Variants in TNK2 observed in about 807,000 individuals in gnomAD.
The protein encoded by TNK2 is tyrosine kinase non receptor 2.
In TNK2, 83 loss-of-function variants were observed where a neutral mutation model predicts 101.8. The ratio of observed to expected loss-of-function variants is 0.82; its 90% confidence interval spans 0.68 to 0.98. The LOEUF (loss-of-function observed/expected upper bound fraction) is 0.98. Ranked by LOEUF, TNK2 falls within the 50% of genes least tolerant of loss-of-function variation. TNK2 has a pLI of 0.00. For missense variants in TNK2, 1,665 were observed against 1,483.2 expected (o/e 1.12, Z -2.01); for synonymous variants, 804 against 633.0 (o/e 1.27, Z -4.06).
chr3:195,907,548 G>A (rs1389988854), intron 1 of TNK2, among the ~76,000 whole-genome samples: 8 of 152,244 alleles, frequency 5.3e-5, no homozygotes, highest in African/African-American at 1.9e-4. Flanking sequence ...GACAGTGCCA[G>A]GTAAGAGGCG....
intron 12 of TNK2, chr3:195,869,190 G>C (rs542932143): frequency 5.2e-6 from 3 of 572,138 alleles, no homozygotes; most frequent in South Asian, 2.1e-5. Flanking sequence ...GCGCCTGCAG[G>C]TCTGGGAGGC....
At chr3:195,870,954 G>C (rs1394616948) in intron 10 of TNK2, among the ~76,000 whole-genome samples, 1 of 148,658 alleles carries the variant, frequency 6.7e-6, no homozygotes, top group East Asian at 2.0e-4. Context: ...GGGTTCTGGT[G>C]TGGGGGGACT....
chr3:195,894,230 G>C (rs1057017711), intron 1 of TNK2: 1 of 152,158 alleles, frequency 6.6e-6, no homozygotes, highest in African/African-American at 2.4e-5. Context: ...TTTCAAAATG[G>C]GTCTGCTGGA....
At chr3:195,896,472 C>T (rs1445235181) in intron 1 of TNK2, among the ~76,000 whole-genome samples, 2 of 152,182 alleles carry the variant, frequency 1.3e-5, no homozygotes, top group African/African-American at 4.8e-5. Context: ...GCCGGCGAGG[C>T]CCCCGAACGC....
intron 15 of TNK2, among the ~76,000 whole-genome samples, chr3:195,865,029 A>C (rs1739695184): frequency 7.3e-6 from 1 of 137,814 alleles, no homozygotes. Flanking sequence ...CCCGGGTGCA[A>C]ATCAGTAAGA....
At chr3:195,876,963 C>T (rs562903993) in intron 9 of TNK2, among the ~76,000 whole-genome samples, 1 of 152,302 alleles carries the variant, frequency 6.6e-6, no homozygotes, top group South Asian at 2.1e-4. Flanking sequence ...TCTGGGGCTC[C>T]GGCAGCAGCA....
intron 1 of TNK2, among the ~76,000 whole-genome samples, chr3:195,889,628 C>A (rs900956720): frequency 6.6e-6 from 1 of 152,250 alleles, no homozygotes; most frequent in African/African-American, 2.4e-5. Flanking sequence ...AAAGCATGCA[C>A]ACGCACACAC....
intron 1 of TNK2, chr3:195,892,265 G>C (rs1758819650): frequency 2.5e-6 from 2 of 809,054 alleles, no homozygotes; most frequent in South Asian, 1.9e-5. Context: ...AGCCGCAGGA[G>C]AGGCCACTTG....
Position 195,885,477 on chromosome 3 carries a change from C to T in TNK2, c.235-444G>A, listed in dbSNP as rs1560523178. On this transcript the variant is annotated intron_variant, in intron 3 of 15. Transcript: ENST00000672887. This position sits in a 1 kb window ranked among gnomAD's most constrained non-coding sequence, Gnocchi z 4.7. Reference sequence around the variant, plus strand: ...CCTTGTCCATTTTTAGCCCTGGCCCCTTCTCTGGCCTGACCATTTGGTGCT... The same window carrying T: ...CCTTGTCCATTTTTAGCCCTGGCCCTTTCTCTGGCCTGACCATTTGGTGCT... The T allele has an allele frequency of 7.7e-7, 1 of 1,302,086 alleles. No individual in the cohort carries two copies. The highest frequency in any genetic ancestry group is 1.0e-6 in the Non-Finnish European group (1 of 997,450). The allele number at this position is 1,302,086 out of a possible 1,614,324, so 80.7% of individuals were successfully genotyped here.
In TNK2 at chr3:195,867,561, T is replaced by C. The variant is rs1329499408; in HGVS notation, c.2737A>G (p.Ser913Gly). ...LPVPLLLPPP[S>G]TPAPAAPTAT... ...GTGGGGGCGGCGGGGGCTGGGGTGC[T>C]GGGTGGGGGCAGCAGCAGAGGCACA... Residue 913 changes from serine (S) to glycine (G), a missense_variant, in exon 13 of 16, where the codon AGC becomes GGC. Physicochemically the swap from Ser to Gly is moderately conservative, Grantham distance 56. Coordinates refer to ENST00000672887, the MANE Select transcript of TNK2 (RefSeq NM_001382273.1). 1.4e-6 allele frequency: 2 copies of C among 1,403,350 alleles called. No individual in the cohort carries two copies. The highest frequency in any genetic ancestry group is 2.0e-5 in the Admixed American group (1 of 49,616). The allele number at this position is 1,403,350 out of a possible 1,614,324, so 86.9% of individuals were successfully genotyped here.
Position 195,882,241 on chromosome 3 carries a change from CG to C in TNK2, c.696del (p.Tyr232Ter). 1.2e-6 allele frequency: 2 copies of C among 1,613,792 alleles called. No homozygotes were observed. Among genetic ancestry groups the C allele is most frequent in the Non-Finnish European group, 1.7e-6 (2 of 1,180,032 alleles). On this transcript the variant is annotated frameshift_variant, in exon 6 of 16. Coordinates refer to ENST00000672887, the MANE Select transcript of TNK2 (RefSeq NM_001382273.1). LOFTEE classifies it high-confidence loss of function. The surrounding 1 kb of genome is among the most constrained non-coding windows in gnomAD (Gnocchi z 4.2). ...GHFLLGTLSR[Y>X]AVQVAEGMGY... is the part of the protein sequence containing the mutation. ...CCCATGCCCTCAGCCACCTGCACAG[CG>C]TAGCGGCTCAGAGTCCCCAGGAGGA...
At position 195,882,560 on chromosome 3, in the gene TNK2, A is replaced by G; in HGVS notation, c.610-232T>C. ...GAAGGAGCCCAAAGAGGCAGTGGCT[A>G]GAAATTCCAAAACTCAGCTGGACGT... On this transcript the variant is annotated intron_variant, in intron 5 of 15. Transcript: ENST00000672887. This position sits in a 1 kb window ranked among gnomAD's most constrained non-coding sequence, Gnocchi z 4.2. 6.6e-7 allele frequency: 1 copy of G among 1,517,628 alleles called. No homozygotes were observed. The highest frequency in any genetic ancestry group is 8.8e-7 in the Non-Finnish European group (1 of 1,135,388). The allele number at this position is 1,517,628 out of a possible 1,614,324, so 94.0% of individuals were successfully genotyped here. A position where few individuals can be genotyped will look rare whatever the true frequency, so the allele number is the denominator to read the frequency against.
rs1560486498 is a variant in TNK2, at chr3:195,870,993, CCCGCTGTGTGGGTTCTGGTGT to C, written c.1452-809_1452-789del. ...TGTGTGGGGTTCTGGTGTGTGGGGG[CCCGCTGTGTGGGTTCTGGTGT>C]GTGGGGGCCCGCTGTGTGGGGTTCT... On this transcript the variant is annotated intron_variant, in intron 10 of 15. Transcript: ENST00000672887. Among the ~76,000 whole-genome samples the C allele has an allele frequency of 2.5e-3, 235 of 92,552 alleles. 9 individuals carry two copies. The East Asian group carries it at 0.078, about 31-fold the overall frequency. 60.7% of individuals were successfully genotyped at this position (92,552 alleles called of 152,430 possible).
chr3:195,906,044 C>T (rs749638284), intron 1 of TNK2, among the ~76,000 whole-genome samples: 2 of 152,096 alleles, frequency 1.3e-5, no homozygotes, highest in Non-Finnish European at 2.9e-5. Flanking sequence ...CAAAGACATA[C>T]GTATGGCAAA....
chr3:195,878,837 C>CTTTT lies in TNK2; in HGVS notation c.1014+211_1014+212insAAAA, dbSNP rs1750840696. Among the ~76,000 whole-genome samples, 1 of 152,218 alleles carries CTTTT rather than the reference C, an allele frequency of 6.6e-6. No individual in the cohort carries two copies. Among genetic ancestry groups the CTTTT allele is most frequent in the African/African-American group, 2.4e-5 (1 of 41,458 alleles). On this transcript the variant is annotated intron_variant, in intron 7 of 15. Transcript: ENST00000672887. The surrounding 1 kb of genome is among the most constrained non-coding windows in gnomAD (Gnocchi z 4.7). The stretch of plus-strand genomic sequence containing the variant: ...AGGGCAGGCCCCAGCTTTTCCCTCC[C>CTTTT]CGTCTCTTTGCTGGGCTCTCCCTGA...
rs1010422612 is a variant in TNK2, at chr3:195,868,875, C to G, written c.1589-166G>C. 2.9e-5 allele frequency: 21 copies of G among 728,566 alleles called. No homozygotes were observed. In the African/African-American group the frequency reaches 3.7e-4, roughly 13 times the overall value. 45.1% of individuals were successfully genotyped at this position (728,566 alleles called of 1,614,324 possible). On this transcript the variant is annotated intron_variant, in intron 12 of 15. Transcript: ENST00000672887. The stretch of plus-strand genomic sequence containing the variant: ...ACCGGCGGCCAGGTTCTCAGCGCAC[C>G]TCCGACCACTCCATCAGGAGGGCGG...
chr3:195,878,527 G>A lies in TNK2; in HGVS notation c.1080C>T (p.Ile360=), dbSNP rs1316987163. ...CCCAGCACTGGACCATGACGTTGTA[G>A]ATGTCCTGGGGACAGTCCTCGGGCC... ...LPRPEDCPQD[I]YNVMVQCWAH... The change falls in exon 8 of 16, where the codon ATC becomes ATT. Residue 360 remains isoleucine (I), a synonymous_variant. Coordinates refer to ENST00000672887, the MANE Select transcript of TNK2 (RefSeq NM_001382273.1). The surrounding 1 kb of genome is among the most constrained non-coding windows in gnomAD (Gnocchi z 4.7). 6.2e-7 allele frequency: 1 copy of A among 1,613,822 alleles called. No homozygotes were observed. Among genetic ancestry groups the A allele is most frequent in the East Asian group, 2.2e-5 (1 of 44,868 alleles).
Position 195,896,339 on chromosome 3 carries a change from T to C in TNK2, c.-18-7733A>G, listed in dbSNP as rs1035059505. 10 of 306,150 alleles carry C rather than the reference T, an allele frequency of 3.3e-5. No individual in the cohort carries two copies. The East Asian group carries it at 1.3e-3, about 40-fold the overall frequency. The allele number at this position is 306,150 out of a possible 1,614,324, so 19.0% of individuals were successfully genotyped here. ...GAGAGACAGATGCTGTGACCTCTCC[T>C]CCCCACGCAGCGTCAAGGCTGAGCC... On this transcript the variant is annotated intron_variant, in intron 1 of 15. Transcript: ENST00000672887.
intron 10 of TNK2, among the ~76,000 whole-genome samples, chr3:195,871,316 C>T (rs1362291105): frequency 7.2e-5 from 11 of 152,084 alleles, no homozygotes; most frequent in Non-Finnish European, 1.5e-4. Context: ...GAGTGAGCTC[C>T]GTAGAGTACT....
Sources: allele counts gnomAD v4.1 joint callset (sites outside exome capture counted in the v4.1 genomes callset), GRCh38; gene constraint gnomAD v4.1.1; non-coding constraint Gnocchi (gnomAD v3.1); transcripts MANE v1.5; gene names NCBI Gene and HGNC (gene_info 2026-07-23, HGNC 2026-07-21).